AGBL1: variants seen among roughly 807,000 people sequenced by gnomAD.
AGBL1 encodes the protein cytosolic carboxypeptidase 4.
In AGBL1, 130 loss-of-function variants were observed where a neutral mutation model predicts 118.9. That is an observed-to-expected ratio of 1.09 (90% CI 0.95 to 1.26). The LOEUF (loss-of-function observed/expected upper bound fraction) is 1.26. Among genes scored for constraint, AGBL1 ranks in the 50% most tolerant of loss-of-function variants. The probability of loss-of-function intolerance (pLI) is 0.00; values close to 1 mark genes in which losing one functional copy is unlikely to be tolerated. For synonymous variants in AGBL1, 555 were observed against 478.9 expected, an observed-to-expected ratio of 1.16 and a Z score of -2.08; for missense variants, 1,584 against 1,298.1, an observed-to-expected ratio of 1.22 and a Z score of -3.38.
chr15:86,584,382 C>G (rs2084216422), intron 21 of AGBL1, among the ~76,000 whole-genome samples: 1 of 152,032 alleles, frequency 6.6e-6, no homozygotes, highest in Non-Finnish European at 1.5e-5. Flanking sequence ...AGGTATGGGT[C>G]TAGTTTCATT....
At chr15:86,297,829 C>T (rs924726457) in intron 17 of AGBL1, among the ~76,000 whole-genome samples, 8 of 152,000 alleles carry the variant, frequency 5.3e-5, no homozygotes, top group African/African-American at 9.7e-5. Flanking sequence ...TTCCAGACTC[C>T]ACACACACAA....
Position 86,264,720 on chromosome 15 carries a change from A to G in AGBL1, c.1549A>G (p.Lys517Glu). Residue 517 changes from lysine to glutamate, a missense_variant, in exon 11 of 23, where the codon AAA (lysine) becomes GAA (glutamate). Coordinates refer to ENST00000614907, the MANE Select transcript of AGBL1 (RefSeq NM_001386094.1). Reference protein sequence around the residue: ...PFHDPYLYMAKARRTSSVVDF... With the variant: ...PFHDPYLYMAEARRTSSVVDF... ...CCACGATCCCTATCTTTATATGGCC[A>G]AAGCCAGAAGAACCAGCTCTGTGGT... The G allele has an allele frequency of 1.2e-6, 2 of 1,614,034 alleles. No individual in the cohort carries two copies. The highest frequency in any genetic ancestry group is 1.7e-6 in the Non-Finnish European group (2 of 1,179,908).
At chr15:86,502,691 T>C (rs1407381170) in intron 18 of AGBL1, among the ~76,000 whole-genome samples, 1 of 151,470 alleles carries the variant, frequency 6.6e-6, no homozygotes, top group Non-Finnish European at 1.5e-5. Flanking sequence ...GTTTGTCTTT[T>C]ATTCTGTTAA....
chr15:86,838,758 A>C lies in AGBL1; in HGVS notation c.3159-68329A>C, dbSNP rs573281102. On this transcript the variant is annotated intron_variant, in intron 22 of 22. Transcript: ENST00000614907. ...AGTTTGAGACCAGCCAGGGCAACAT[A>C]GTGAGACCTCATCCCTACAAAAAAA... 7.2e-5 allele frequency among the ~76,000 whole-genome samples: 11 copies of C among 151,792 alleles called. No homozygotes were observed. In the South Asian group the frequency reaches 2.3e-3, roughly 32 times the overall value.
intron 3 of AGBL1, among the ~76,000 whole-genome samples, chr15:86,152,857 A>G (rs1404320863): frequency 6.6e-6 from 1 of 152,240 alleles, no homozygotes; most frequent in African/African-American, 2.4e-5. Context: ...AAGGATATGA[A>G]CAGACATTTC....
At chr15:86,724,772 T>C (rs2086794206) in intron 22 of AGBL1, among the ~76,000 whole-genome samples, 1 of 152,116 alleles carries the variant, frequency 6.6e-6, no homozygotes, top group South Asian at 2.1e-4. Flanking sequence ...AGTAAGTTCT[T>C]GTAAGACCCG....
chr15:86,142,171 G>T, intron 2 of AGBL1, 104 bp downstream of exon 2: 1 of 1,181,180 alleles, frequency 8.5e-7, no homozygotes, highest in Admixed American at 2.2e-5. Context: ...TCTTGCTTCA[G>T]TTTCCTGTGA....
intron 17 of AGBL1, among the ~76,000 whole-genome samples, chr15:86,397,138 A>C (rs1052434164): frequency 6.6e-6 from 1 of 151,772 alleles, no homozygotes; most frequent in Admixed American, 6.6e-5. Context: ...GTATCTTCAA[A>C]AAGGCTACGG....
At chr15:86,803,040 T>C (rs1271222877) in intron 22 of AGBL1, among the ~76,000 whole-genome samples, 3 of 152,134 alleles carry the variant, frequency 2.0e-5, no homozygotes, top group Middle Eastern at 6.3e-3. Flanking sequence ...GGTTCTTTTG[T>C]ATTTACCTTG....
chr15:86,748,510 C>CTTTTTTTTTTTTTT lies in AGBL1; in HGVS notation c.3158+74097_3158+74110dup, dbSNP rs752203969. ...ATTAGATCCCATTTGTCAATTTTGG[C>CTTTTTTTTTTTTTT]TTTTTTTTTTTTTTTTTTTTTTTTT... On this transcript the variant is annotated intron_variant, in intron 22 of 22. Transcript: ENST00000614907. Among the ~76,000 whole-genome samples the CTTTTTTTTTTTTTT allele has an allele frequency of 9.0e-3, 88 of 9,776 alleles. 39 individuals are homozygous for CTTTTTTTTTTTTTT. The highest frequency in any genetic ancestry group is 0.019 in the Non-Finnish European group (73 of 3,752). The allele number at this position is 9,776 out of a possible 152,430, so 6.4% of individuals were successfully genotyped here.
intron 24 of AGBL1, among the ~76,000 whole-genome samples, chr15:86,999,650 A>G (rs570002977): frequency 3.7e-4 from 56 of 150,852 alleles, no homozygotes; most frequent in African/African-American, 1.0e-3. Context: ...GGTTGGTTCC[A>G]AGTCTTTGCT....
At chr15:86,733,422 C>G (rs1272963192) in intron 22 of AGBL1, among the ~76,000 whole-genome samples, 1 of 152,234 alleles carries the variant, frequency 6.6e-6, no homozygotes, top group African/African-American at 2.4e-5. Flanking sequence ...CTGTTCTCAT[C>G]CAGAAACACA....
chr15:86,170,281 G>A (rs1171484267), intron 5 of AGBL1, among the ~76,000 whole-genome samples: 3 of 152,102 alleles, frequency 2.0e-5, no homozygotes, highest in Non-Finnish European at 2.9e-5. Context: ...AGATTAGTTT[G>A]AAAATACAGA....
chr15:86,818,099 T>C (rs1162918352), intron 22 of AGBL1, among the ~76,000 whole-genome samples: 1 of 151,136 alleles, frequency 6.6e-6, no homozygotes, highest in Non-Finnish European at 1.5e-5. Context: ...TGTGTGCGTG[T>C]GCGTGTATGT....
At chr15:86,352,518 C>G (rs961873777) in intron 17 of AGBL1, among the ~76,000 whole-genome samples, 12 of 150,334 alleles carry the variant, frequency 8.0e-5, no homozygotes, top group Non-Finnish European at 3.0e-5. Context: ...GGTCTGTTGT[C>G]CAAGCTGGAG....
chr15:86,635,624 G>A (rs1446255765), intron 21 of AGBL1, among the ~76,000 whole-genome samples: 1 of 151,706 alleles, frequency 6.6e-6, no homozygotes. Context: ...AGGTGTGCTG[G>A]GTCTAGCAGT....
At chr15:86,692,429 G>A (rs999520260) in intron 22 of AGBL1, among the ~76,000 whole-genome samples, 12 of 152,060 alleles carry the variant, frequency 7.9e-5, no homozygotes, top group African/African-American at 2.4e-4. Context: ...TGGAACTGGC[G>A]AAGAATTGCC....
rs1348048709 is a variant in AGBL1 at position 86,910,621 on chromosome 15, G to A, written c.*3327G>A. 1 of 152,184 alleles carries A rather than the reference G, an allele frequency of 6.6e-6. No homozygotes were observed. The highest frequency in any genetic ancestry group is 2.4e-5 in the African/African-American group (1 of 41,436). The allele number at this position is 152,184 out of a possible 1,614,324, so 9.4% of individuals were successfully genotyped here. ...TGAAGAGCAGAACGTTTGCATTCAG[G>A]TCAAAGATAATAAGTGCAGTTTGGG... On this transcript the variant is annotated 3_prime_UTR_variant, in exon 23 of 23. Transcript: ENST00000614907.
chr15:86,914,578 G>A lies in AGBL1; in HGVS notation c.*7284G>A, dbSNP rs1450311246. On this transcript the variant is annotated 3_prime_UTR_variant, in exon 23 of 23. Coordinates refer to ENST00000614907, the MANE Select transcript of AGBL1 (RefSeq NM_001386094.1). ...TTAGCAACACTTAGTATCTATAATA[G>A]TCTAAGACCATCGCAGGTGTCATCA... The A allele has an allele frequency of 1.3e-5, 2 of 152,120 alleles. No homozygotes were observed. The highest frequency in any genetic ancestry group is 2.9e-5 in the Non-Finnish European group (2 of 68,028). The allele number at this position is 152,120 out of a possible 1,614,324, so 9.4% of individuals were successfully genotyped here. A position where few individuals can be genotyped will look rare whatever the true frequency, so the allele number is the denominator to read the frequency against.
Sources: allele counts gnomAD v4.1 joint callset (sites outside exome capture counted in the v4.1 genomes callset), GRCh38; gene constraint gnomAD v4.1.1; transcripts MANE v1.5; gene names NCBI Gene and HGNC (gene_info 2026-07-23, HGNC 2026-07-21).